The following RHOBTB1 variants were observed in gnomAD, a reference collection of about 807,000 sequenced individuals.
The protein encoded by RHOBTB1 is Rho related BTB domain containing 1.
In RHOBTB1, 40 loss-of-function variants were observed where a neutral mutation model predicts 71.6. The ratio of observed to expected loss-of-function variants is 0.56; its 90% CI spans 0.43 to 0.73. The LOEUF (loss-of-function observed/expected upper bound fraction) is 0.73, where lower values mean the gene tolerates loss of function less well. Among genes scored for constraint, RHOBTB1 ranks in the 30% least tolerant of loss-of-function variants. RHOBTB1 has a pLI of 0.00. For missense variants in RHOBTB1, 797 were observed against 894.0 expected (o/e 0.89, Z 1.38); for synonymous variants, 319 against 334.9 (o/e 0.95, Z 0.52).
intron 7 of RHOBTB1, among the ~76,000 whole-genome samples, chr10:60,880,983 A>C (rs911974915): frequency 6.6e-6 from 1 of 151,992 alleles, no homozygotes; most frequent in Non-Finnish European, 1.5e-5. Context: ...TGCCCCACTC[A>C]AATCCCATCT....
intron 2 of RHOBTB1, among the ~76,000 whole-genome samples, chr10:60,932,223 G>T (rs1346984945): frequency 2.6e-5 from 4 of 152,134 alleles, no homozygotes; most frequent in Admixed American, 6.5e-5. Context: ...TCAGTGACAA[G>T]GGAGACACCT....
chr10:60,983,809 C>A (rs143389789), intron 2 of RHOBTB1, among the ~76,000 whole-genome samples: 2 of 152,334 alleles, frequency 1.3e-5, no homozygotes, highest in East Asian at 3.9e-4. Flanking sequence ...TGCTACACAG[C>A]ATGGACCCTG....
chr10:60,893,374 C>T (rs2082014964), intron 4 of RHOBTB1, among the ~76,000 whole-genome samples: 1 of 152,124 alleles, frequency 6.6e-6, no homozygotes, highest in Non-Finnish European at 1.5e-5. Flanking sequence ...CTACCTTTCA[C>T]CAGTTTAAAA....
the RHOBTB1 span, among the ~76,000 whole-genome samples, chr10:60,861,141 A>G: frequency 9.9e-5 from 15 of 152,104 alleles, no homozygotes; most frequent in Non-Finnish European, 5.9e-5. Flanking sequence ...GGAACCGGTT[A>G]CCTCCCTGCA....
chr10:60,999,065 G>A (rs1297432344), intron 1 of RHOBTB1, among the ~76,000 whole-genome samples: 3 of 152,124 alleles, frequency 2.0e-5, no homozygotes, highest in Admixed American at 6.5e-5. Context: ...CAGCTGCTCC[G>A]GAAATGCAAG....
chr10:60,956,113 A>G (rs1347776219), intron 2 of RHOBTB1, among the ~76,000 whole-genome samples: 1 of 152,182 alleles, frequency 6.6e-6, no homozygotes, highest in South Asian at 2.1e-4. Context: ...ATAGCCTACT[A>G]CACACCTAGG....
chr10:60,997,495 T>C (rs1186319207), intron 1 of RHOBTB1, among the ~76,000 whole-genome samples: 1 of 152,232 alleles, frequency 6.6e-6, no homozygotes, highest in Non-Finnish European at 1.5e-5. Flanking sequence ...GATTGCTGTC[T>C]ATGTTAGAGA....
chr10:60,875,241 C>T lies in RHOBTB1; in HGVS notation c.1727-199G>A, dbSNP rs374030537. Among the ~76,000 whole-genome samples, 6 of 152,270 alleles carry T rather than the reference C, an allele frequency of 3.9e-5. No homozygotes were observed. The South Asian group carries it at 6.2e-4, about 16-fold the overall frequency. ...GGGGTTCTGCTGCCAGCCACTTCAC[C>T]CACACCTCTGGGGACTCTAGTTCAT... On this transcript the variant is annotated intron_variant, in intron 8 of 10. Transcript: ENST00000337910.
rs569765867 is a variant in RHOBTB1 at position 60,930,519 on chromosome 10, T to G, written c.-11+11285A>C. ...TACATTCGACTGAAACAACAGTAAA[T>G]AAGTATGTGCAACCCAAATAAAATT... On this transcript the variant is annotated intron_variant, in intron 2 of 10. Transcript: ENST00000337910. Among the ~76,000 whole-genome samples the G allele has an allele frequency of 6.6e-5, 10 of 152,278 alleles. No homozygotes were observed. In the South Asian group the frequency reaches 2.1e-3, roughly 32 times the overall value.
At chr10:60,950,124 T>C (rs2085362211) in intron 2 of RHOBTB1, among the ~76,000 whole-genome samples, 1 of 152,142 alleles carries the variant, frequency 6.6e-6, no homozygotes, top group Non-Finnish European at 1.5e-5. Flanking sequence ...TAAGAGGAGG[T>C]AGCAAACAGT....
intron 8 of RHOBTB1, among the ~76,000 whole-genome samples, chr10:60,875,542 G>C (rs111403654): frequency 4.6e-5 from 7 of 152,232 alleles, no homozygotes; most frequent in African/African-American, 1.7e-4. Flanking sequence ...CTAGACTTTA[G>C]ACACGTTCCT....
In RHOBTB1 at chr10:60,986,404, G is replaced by GATATATATAT. The variant is rs34154360; in HGVS notation, c.-162-469_-162-460dup. Among the ~76,000 whole-genome samples, 132 of 67,622 alleles carry GATATATATAT rather than the reference G, an allele frequency of 2.0e-3. 1 individual carries two copies. The highest frequency in any genetic ancestry group is 4.6e-3 in the African/African-American group (116 of 25,080). The allele number at this position is 67,622 out of a possible 152,430, so 44.4% of individuals were successfully genotyped here. On this transcript the variant is annotated intron_variant, in intron 1 of 11. Transcript: ENST00000357917. The stretch of plus-strand genomic sequence containing the variant: ...AGAAATTAATGAAATATAAATAAAA[G>GATATATATAT]ATATATATATATATATATATATATA...
At chr10:60,950,917 T>C (rs1358853954) in intron 2 of RHOBTB1, among the ~76,000 whole-genome samples, 1 of 152,224 alleles carries the variant, frequency 6.6e-6, no homozygotes, top group African/African-American at 2.4e-5. Context: ...AAGTTTAGTA[T>C]TTGAAGTTTG....
chr10:60,955,968 G>A (rs2085577888), intron 2 of RHOBTB1, among the ~76,000 whole-genome samples: 1 of 151,988 alleles, frequency 6.6e-6, no homozygotes, highest in African/African-American at 2.4e-5. Flanking sequence ...TATCACAGTG[G>A]GCCTCATTTG....
chr10:60,972,661 G>A (rs1275885678), intron 2 of RHOBTB1, among the ~76,000 whole-genome samples: 2 of 152,022 alleles, frequency 1.3e-5, no homozygotes, highest in African/African-American at 4.8e-5. Flanking sequence ...TTCTGCACAT[G>A]TATCCCAGAA....
intron 4 of RHOBTB1, among the ~76,000 whole-genome samples, chr10:60,903,681 G>A (rs7083452): frequency 1.1e-4 from 5 of 45,164 alleles, no homozygotes; most frequent in African/African-American, 5.1e-4. Flanking sequence ...TCAGACTATG[G>A]GCCCCTGGGT....
At chr10:60,956,841 C>T (rs2085611126) in intron 2 of RHOBTB1, among the ~76,000 whole-genome samples, 1 of 152,014 alleles carries the variant, frequency 6.6e-6, no homozygotes, top group South Asian at 2.1e-4. Context: ...AAAGCATTCC[C>T]TCCATCTAAA....
At chr10:60,950,050 T>A (rs549949608) in intron 2 of RHOBTB1, among the ~76,000 whole-genome samples, 1 of 152,350 alleles carries the variant, frequency 6.6e-6, no homozygotes, top group African/African-American at 2.4e-5. Flanking sequence ...CAACTCTAAC[T>A]GCAGTCTTTC....
intron 4 of RHOBTB1, among the ~76,000 whole-genome samples, chr10:60,893,845 T>C (rs914467328): frequency 2.1e-4 from 32 of 152,220 alleles, no homozygotes; most frequent in African/African-American, 7.5e-4. Context: ...TGGTGTTTGA[T>C]AAATAGCTGC....
Sources: gnomAD v4.1 joint callset for allele counts (sites outside exome capture counted in the v4.1 genomes callset) on GRCh38, gnomAD v4.1.1 for gene constraint, MANE v1.5 for transcripts, NCBI Gene and HGNC (gene_info 2026-07-23, HGNC 2026-07-21) for gene names.